The following SENP5 variants were observed in gnomAD, a reference collection of about 807,000 sequenced individuals.
SENP5 encodes sentrin-specific protease 5.
Under a neutral mutation model 74.2 loss-of-function variants are expected in SENP5, and 21 were observed. The ratio of observed to expected loss-of-function variants is 0.28; its 90% CI spans 0.20 to 0.41. The LOEUF is 0.41. SENP5 is among the 10% of genes least tolerant of loss of function. The probability of loss-of-function intolerance (pLI) is 1.00; values close to 1 mark genes in which losing one functional copy is unlikely to be tolerated. For missense variants in SENP5, 717 were observed against 889.1 expected (o/e 0.81, Z 2.46); for synonymous variants, 311 against 312.7 (o/e 0.99, Z 0.06).
Position 196,872,293 on chromosome 3 carries a change from G to A in SENP5, c.-32+4220G>A, listed in dbSNP as rs370295632. Among the ~76,000 whole-genome samples the A allele has an allele frequency of 7.2e-5, 11 of 152,342 alleles. No individual in the cohort carries two copies. In the East Asian group the frequency reaches 9.6e-4, roughly 13 times the overall value. On this transcript the variant is annotated intron_variant, in intron 1 of 9. Coordinates refer to ENST00000323460, the MANE Select transcript of SENP5 (RefSeq NM_152699.5). ...TGGCTGGGAATACAGGGGCAGAAAT[G>A]TAAAGGAAACGCATGTGAAGTTTGC...
intron 6 of SENP5, among the ~76,000 whole-genome samples, chr3:196,907,453 CA>C (rs71623311): frequency 1.1e-3 from 130 of 115,312 alleles, no homozygotes; most frequent in Middle Eastern, 5.0e-3. Context: ...GACTCCGTCT[CA>C]AAAAAAAAAA....
At chr3:196,883,510 T>C (rs948043645) in intron 1 of SENP5, among the ~76,000 whole-genome samples, 5 of 152,162 alleles carry the variant, frequency 3.3e-5, no homozygotes, top group Non-Finnish European at 7.3e-5. Flanking sequence ...TGGGTCATCC[T>C]CCTCAGAAAG....
chr3:196,918,816 A>G (rs1055045538), intron 6 of SENP5, among the ~76,000 whole-genome samples: 2 of 152,094 alleles, frequency 1.3e-5, no homozygotes, highest in African/African-American at 2.4e-5. Flanking sequence ...TGGAAAAACC[A>G]GAACTCCTCT....
chr3:196,931,955 C>T lies in SENP5; in HGVS notation c.*1032C>T, dbSNP rs1716053250. On this transcript the variant is annotated 3_prime_UTR_variant, in exon 10 of 10. Coordinates refer to ENST00000323460, the MANE Select transcript of SENP5 (RefSeq NM_152699.5). ...GGGAAGGTAATAGAGACAACTTAGTCCCATGGGAGCGCAGCAACCGTGTCA... is the reference window on the plus strand; with the variant it reads ...GGGAAGGTAATAGAGACAACTTAGTTCCATGGGAGCGCAGCAACCGTGTCA... 2.2e-6 allele frequency: 1 copy of T among 451,680 alleles called. No homozygotes were observed. The highest frequency in any genetic ancestry group is 2.4e-5 in the Admixed American group (1 of 41,468). The allele number at this position is 451,680 out of a possible 1,614,324, so 28.0% of individuals were successfully genotyped here. A position where few individuals can be genotyped will look rare whatever the true frequency, so the allele number is the denominator to read the frequency against.
At chr3:196,928,669 C>T (rs1050421665) in intron 8 of SENP5, among the ~76,000 whole-genome samples, 3 of 152,140 alleles carry the variant, frequency 2.0e-5, no homozygotes, top group African/African-American at 7.2e-5. Flanking sequence ...AAACCTTTAA[C>T]CCAAACCCAA....
At chr3:196,907,228 CT>C (rs1180884257) in intron 6 of SENP5, among the ~76,000 whole-genome samples, 2 of 152,040 alleles carry the variant, frequency 1.3e-5, no homozygotes, top group African/African-American at 4.8e-5. Flanking sequence ...AATCCCAGCA[CT>C]TTGAGGGGCC....
At chr3:196,874,281 A>T (rs1208831067) in intron 1 of SENP5, among the ~76,000 whole-genome samples, 1 of 132,872 alleles carries the variant, frequency 7.5e-6, no homozygotes, top group African/African-American at 2.9e-5. Flanking sequence ...TTAAACATGT[A>T]TAAGAATCTC....
chr3:196,918,226 G>T (rs1241606882), intron 6 of SENP5, among the ~76,000 whole-genome samples: 9 of 151,338 alleles, frequency 5.9e-5, no homozygotes, highest in Non-Finnish European at 1.3e-4. Flanking sequence ...AGAATGGCGT[G>T]AACCTGGGAG....
At chr3:196,873,863 T>A (rs1560136975) in intron 1 of SENP5, among the ~76,000 whole-genome samples, 1 of 151,886 alleles carries the variant, frequency 6.6e-6, no homozygotes, top group Non-Finnish European at 1.5e-5. Context: ...ACAAAAAACA[T>A]AATTTAATTT....
chr3:196,900,053 G>A lies in SENP5; in HGVS notation c.1749G>A (p.Leu583=). ...DLATLDGQNW[L]NDQVINMYGE... is the part of the protein sequence containing the mutation. Reference sequence around the variant, plus strand: ...CGACTCTGGATGGTCAGAACTGGCTGAATGACCAGGTTAGTATATTGTAGT... The same window carrying A: ...CGACTCTGGATGGTCAGAACTGGCTAAATGACCAGGTTAGTATATTGTAGT... Residue 583 remains leucine (L), a synonymous_variant, in exon 4 of 10, where the codon CTG becomes CTA. Coordinates refer to ENST00000323460, the MANE Select transcript of SENP5 (RefSeq NM_152699.5). The A allele has an allele frequency of 1.2e-6, 2 of 1,613,780 alleles. No individual in the cohort carries two copies. Among genetic ancestry groups the A allele is most frequent in the Non-Finnish European group, 1.7e-6 (2 of 1,179,918 alleles).
At chr3:196,898,771 A>T (rs9819325) in intron 2 of SENP5, among the ~76,000 whole-genome samples, 20,318 of 151,780 alleles carry the variant, frequency 0.13, 1,621 homozygotes, top group Non-Finnish European at 0.21. Context: ...ATTCTATGCG[A>T]TGATTCCATT....
At position 196,931,846 on chromosome 3, in the gene SENP5, C is replaced by T. The variant is rs1716049651; in HGVS notation, c.*923C>T. The stretch of plus-strand genomic sequence containing the variant: ...AAGTTAAGGTTTACCAAATGCATTT[C>T]TATTTCAAGGGTATCTGAAACGTAA... On this transcript the variant is annotated 3_prime_UTR_variant, in exon 10 of 10. Transcript: ENST00000323460. 2.4e-6 allele frequency: 1 copy of T among 422,808 alleles called. No individual in the cohort carries two copies. The highest frequency in any genetic ancestry group is 2.8e-5 in the Admixed American group (1 of 35,244). 26.2% of individuals were successfully genotyped at this position (422,808 alleles called of 1,614,324 possible).
At chr3:196,883,694 C>CT (rs34072058) in intron 1 of SENP5, among the ~76,000 whole-genome samples, 48,557 of 148,828 alleles carry the variant, frequency 0.33, 8,568 homozygotes, top group East Asian at 0.73. Flanking sequence ...ATAGCTGCTG[C>CT]TTTTTTTTTT....
intron 2 of SENP5, among the ~76,000 whole-genome samples, chr3:196,891,877 G>A (rs1317236703): frequency 6.6e-6 from 1 of 152,050 alleles, no homozygotes; most frequent in African/African-American, 2.4e-5. Flanking sequence ...TGCAACCTCT[G>A]CCTTCTGGGT....
intron 1 of SENP5, among the ~76,000 whole-genome samples, chr3:196,878,404 A>G (rs907139034): frequency 2.0e-5 from 3 of 152,162 alleles, no homozygotes; most frequent in Admixed American, 1.3e-4. Flanking sequence ...GATACCATGC[A>G]TAGTTAAGGA....
intron 2 of SENP5, among the ~76,000 whole-genome samples, chr3:196,893,156 C>T (rs1469213792): frequency 2.0e-5 from 3 of 152,246 alleles, no homozygotes; most frequent in South Asian, 2.1e-4. Flanking sequence ...TTCCCACCAA[C>T]AGTGTACAGG....
At chr3:196,910,714 A>G (rs562778388) in intron 6 of SENP5, among the ~76,000 whole-genome samples, 173 of 152,164 alleles carry the variant, frequency 1.1e-3, no homozygotes, top group African/African-American at 3.9e-3. Context: ...ACAGAATTAG[A>G]AAAAACTACT....
rs185697149 is a variant in SENP5, at chr3:196,902,968, T to G, written c.1807-565T>G. The stretch of plus-strand genomic sequence containing the variant: ...AGCCTCTTTCAGCTTTTTCACCTGA[T>G]TTAGAGAGATTTGTCAGGTTGCTTC... On this transcript the variant is annotated intron_variant, in intron 5 of 9. Coordinates refer to ENST00000323460, the MANE Select transcript of SENP5 (RefSeq NM_152699.5). Among the ~76,000 whole-genome samples, 6 of 152,294 alleles carry G rather than the reference T, an allele frequency of 3.9e-5. No individual in the cohort carries two copies. In the East Asian group the frequency reaches 1.2e-3, roughly 29 times the overall value.
intron 5 of SENP5, among the ~76,000 whole-genome samples, chr3:196,902,172 A>AGT (rs1398151039): frequency 6.6e-6 from 1 of 152,262 alleles, no homozygotes; most frequent in Non-Finnish European, 1.5e-5. Flanking sequence ...GCTGGAATGC[A>AGT]GTGGCACAGT....
Sources: gnomAD v4.1 joint callset for allele counts (sites outside exome capture counted in the v4.1 genomes callset) on GRCh38, gnomAD v4.1.1 for gene constraint, MANE v1.5 for transcripts, NCBI Gene and HGNC (gene_info 2026-07-23, HGNC 2026-07-21) for gene names.